TEX13C: variants seen among roughly 807,000 people sequenced by gnomAD.
TEX13C encodes the protein TEX13 family member C.
For synonymous variants in TEX13C, 219 were observed against 116.6 expected, an observed-to-expected ratio of 1.88 and a Z score of -5.65; for missense variants, 480 against 298.7, an observed-to-expected ratio of 1.61 and a Z score of -4.47.
chrX:125,323,992 A>T (rs779559078), exon 1 of TEX13C: 1 of 112,239 alleles, frequency 8.9e-6, no homozygotes, highest in South Asian at 3.7e-4. Flanking sequence ...AAGTTTGGGG[A>T]GTTGTAGTGT....
chrX:125,320,582 G>GC lies in TEX13C; in HGVS notation c.463_464insC (p.Val155AlafsTer30), dbSNP rs1224427104. 3.9e-6 allele frequency: 2 copies of GC among 514,758 alleles called. No homozygotes were observed. The highest frequency in any genetic ancestry group is 2.3e-5 in the African/African-American group (1 of 43,681). The allele number at this position is 514,758 out of a possible 1,213,427, so 42.4% of individuals were successfully genotyped here. ...GCTAGAAGTTGAGAGATCCATGCAG[G>GC]TCTATCCGATGCCTCAGGATTTTGT... On this transcript the variant is annotated frameshift_variant, in exon 1 of 1. Coordinates refer to ENST00000632600, the Ensembl canonical transcript of TEX13C. LOFTEE classifies it low-confidence loss of function (END_TRUNC).
exon 1 of TEX13C, chrX:125,323,449 C>G: frequency 7.6e-6 from 1 of 130,905 alleles, no homozygotes; most frequent in Non-Finnish European, 1.5e-5. Context: ...TTGGCTGATA[C>G]TAATTGGTTG....
At chrX:125,322,777 C>T (rs1316247400) in exon 1 of TEX13C, 1 of 515,260 alleles carries the variant, frequency 1.9e-6, no homozygotes, top group South Asian at 2.5e-5. Flanking sequence ...CAGTGATTCC[C>T]CAGGGCACAG....
exon 1 of TEX13C, chrX:125,320,899 T>C (rs2018830138): frequency 5.8e-6 from 3 of 513,804 alleles, no homozygotes; most frequent in Non-Finnish European, 7.0e-6. Context: ...CAGCAGCAAT[T>C]GCACCACAGA....
In TEX13C at chrX:125,320,270, C is replaced by T. The variant is rs1172978468; in HGVS notation, c.151C>T (p.Arg51Trp). The change falls in exon 1 of 1, where the codon CGG (arginine) becomes TGG (tryptophan). Residue 51 changes from arginine to tryptophan, a missense_variant. Transcript: ENST00000632600. Reference sequence around the variant, plus strand: ...GTGGAACGAGGTAGAGGACCGGCTTCGGGCCATTGTGGCCGACCCGCGGGT... The same window carrying T: ...GTGGAACGAGGTAGAGGACCGGCTTTGGGCCATTGTGGCCGACCCGCGGGT... The T allele has an allele frequency of 1.6e-5, 8 of 516,002 alleles. No individual in the cohort carries two copies. In the East Asian group the frequency reaches 1.8e-4, roughly 12 times the overall value. The allele number at this position is 516,002 out of a possible 1,213,427, so 42.5% of individuals were successfully genotyped here. A position where few individuals can be genotyped will look rare whatever the true frequency, so the allele number is the denominator to read the frequency against.
exon 1 of TEX13C, chrX:125,321,350 G>A (rs2018835564): frequency 3.9e-6 from 2 of 513,271 alleles, no homozygotes; most frequent in South Asian, 2.5e-5. Context: ...CAAGGAGATG[G>A]TCTCCCTGGG....
At chrX:125,320,647 G>A in exon 1 of TEX13C, 1 of 515,761 alleles carries the variant, frequency 1.9e-6, no homozygotes, top group Non-Finnish European at 3.5e-6. Flanking sequence ...CTGTGGCCGG[G>A]ACTTTAAATG....
exon 1 of TEX13C, chrX:125,321,818 A>G: frequency 5.8e-6 from 3 of 513,225 alleles, no homozygotes; most frequent in East Asian, 3.6e-5. Flanking sequence ...CAACAGCCAC[A>G]GCCTGAAGAA....
exon 1 of TEX13C, chrX:125,324,042 T>G (rs1012401283): frequency 7.1e-5 from 8 of 112,526 alleles, no homozygotes; most frequent in Non-Finnish European, 1.9e-5. Flanking sequence ...GAATTTCACT[T>G]AATTCATTAA....
exon 1 of TEX13C, chrX:125,321,851 A>G (rs2018845846): frequency 5.9e-6 from 3 of 508,336 alleles, no homozygotes; most frequent in Non-Finnish European, 3.5e-6. Context: ...GCCCCAGAAC[A>G]TGATCCCCCT....
upstream of TEX13C, among the ~76,000 whole-genome samples, chrX:125,319,895 G>A (rs905867390): frequency 8.9e-6 from 1 of 112,227 alleles, no homozygotes; most frequent in African/African-American, 3.2e-5. Flanking sequence ...CGGAGTTGCC[G>A]ATAGGGTTCG....
exon 1 of TEX13C, chrX:125,322,588 C>G: frequency 2.0e-6 from 1 of 510,047 alleles, no homozygotes; most frequent in Non-Finnish European, 3.5e-6. Context: ...TAGTGATGCC[C>G]GAGGAGATGG....
Position 125,320,758 on chromosome X carries a change from G to C in TEX13C, c.639G>C (p.Gln213His), listed in dbSNP as rs749280410. 2.1e-5 allele frequency: 11 copies of C among 515,361 alleles called. No homozygotes were observed. In the South Asian group the frequency reaches 2.7e-4, roughly 13 times the overall value. 42.5% of individuals were successfully genotyped at this position (515,361 alleles called of 1,213,427 possible). The change falls in exon 1 of 1, where the codon CAG becomes CAC. Residue 213 changes from glutamine (Q) to histidine (H), a missense_variant. Physicochemically the swap from Gln to His is conservative, Grantham distance 24. Coordinates refer to ENST00000632600, the Ensembl canonical transcript of TEX13C. ...CTGTGTATTACATGCCTGAACCCCA[G>C]AGTGGCAGGGTCCAGGGCATGCAAC... is the stretch of plus-strand genomic sequence containing the variant.
At chrX:125,323,187 A>G (rs1270576068) in exon 1 of TEX13C, 2 of 424,657 alleles carry the variant, frequency 4.7e-6, no homozygotes, top group Non-Finnish European at 8.1e-6. Context: ...TAAAAAAGTA[A>G]CTTATTTACT....
exon 1 of TEX13C, chrX:125,322,084 G>T: frequency 2.1e-6 from 1 of 479,166 alleles, no homozygotes; most frequent in Non-Finnish European, 3.7e-6. Context: ...AAGATCCAGT[G>T]ATGCCCCAGA....
Position 125,321,377 on chromosome X carries a change from A to G in TEX13C, c.1258A>G (p.Ser420Gly), listed in dbSNP as rs759033857. Residue 420 changes from serine (S) to glycine (G), a missense_variant, in exon 1 of 1, where the codon AGC becomes GGC. By Grantham distance (56) the Ser-to-Gly change is moderately conservative. Coordinates refer to ENST00000632600, the Ensembl canonical transcript of TEX13C. ...CTCCCTGGGGGACAGCAACAGCCAC[A>G]GCATGAAGAAAGATCCAGTGATGCC... 1.9e-5 allele frequency: 10 copies of G among 514,011 alleles called. No individual in the cohort carries two copies. The South Asian group carries it at 2.5e-4, about 13-fold the overall frequency. 42.4% of individuals were successfully genotyped at this position (514,011 alleles called of 1,213,427 possible). A position where few individuals can be genotyped will look rare whatever the true frequency, so the allele number is the denominator to read the frequency against.
exon 1 of TEX13C, chrX:125,320,581 G>T (rs1473933093): frequency 3.9e-6 from 2 of 515,921 alleles, no homozygotes; most frequent in Non-Finnish European, 7.0e-6. Context: ...GATCCATGCA[G>T]GTCTATCCGA....
At chrX:125,320,082 G>A (rs767088699), upstream of TEX13C, 9 of 454,988 alleles carry the variant, frequency 2.0e-5, no homozygotes, top group South Asian at 1.3e-4. Context: ...CCGAGGCGAC[G>A]CACCGTGAGG....
chrX:125,323,788 G>T (rs911705071), exon 1 of TEX13C: 16 of 111,788 alleles, frequency 1.4e-4, no homozygotes, highest in East Asian at 5.6e-4. Flanking sequence ...TAGAAGATCT[G>T]CCAAAGCCAC....
Sources: gnomAD v4.1 joint callset for allele counts (sites outside exome capture counted in the v4.1 genomes callset) on GRCh38, gnomAD v4.1.1 for gene constraint, MANE v1.5 for transcripts, NCBI Gene and HGNC (gene_info 2026-07-23, HGNC 2026-07-21) for gene names.